RGS8: variants seen among roughly 807,000 people sequenced by gnomAD.
The protein encoded by RGS8 is regulator of G protein signaling 8, also known as regulator of G-protein signaling 8.
A neutral mutation model predicts 21.7 loss-of-function variants in RGS8; 8 were observed. The observed-to-expected ratio is 0.37, with a 90% CI of 0.22 to 0.66. The LOEUF (loss-of-function observed/expected upper bound fraction) is 0.66. Among genes scored for constraint, RGS8 ranks in the 30% least tolerant of loss-of-function variants. The probability of loss-of-function intolerance (pLI) is 0.59; values close to 1 mark genes in which losing one functional copy is unlikely to be tolerated. For missense variants in RGS8, 157 were observed against 217.9 expected, an observed-to-expected ratio of 0.72 and a Z score of 1.76; for synonymous variants, 80 against 83.6, an observed-to-expected ratio of 0.96 and a Z score of 0.24.
At chr1:182,720,958 CAT>C in the RGS8 span, among the ~76,000 whole-genome samples, 2 of 31,694 alleles carry the variant, frequency 6.3e-5, no homozygotes, top group Non-Finnish European at 1.5e-4. Flanking sequence ...TATATACATA[CAT>C]ATGTGTGTAT....
upstream of RGS8, among the ~76,000 whole-genome samples, chr1:182,676,845 C>T (rs151220728): frequency 6.6e-6 from 1 of 152,316 alleles, no homozygotes; most frequent in East Asian, 1.9e-4. Context: ...TGACCACCAA[C>T]GAACATCACC....
chr1:182,738,516 T>C, the RGS8 span, among the ~76,000 whole-genome samples: 3 of 152,240 alleles, frequency 2.0e-5, no homozygotes. Flanking sequence ...AGTTGACCTT[T>C]GAGAGGTCAA....
chr1:182,742,038 CAG>C, the RGS8 span, among the ~76,000 whole-genome samples: 45 of 146,864 alleles, frequency 3.1e-4, 1 homozygote, highest in African/African-American at 1.1e-3. Context: ...GGCGTCCGGG[CAG>C]AGACGCTCCT....
chr1:182,724,201 G>GAGATATATAT, the RGS8 span, among the ~76,000 whole-genome samples: 1 of 42,080 alleles, frequency 2.4e-5, no homozygotes, highest in Non-Finnish European at 4.8e-5. Context: ...GGCTAGACTG[G>GAGATATATAT]ATATATATAT....
chr1:182,715,426 T>C, the RGS8 span, among the ~76,000 whole-genome samples: 7 of 152,204 alleles, frequency 4.6e-5, no homozygotes, highest in African/African-American at 1.4e-4. Context: ...TCAGGTCCTA[T>C]AGGCCATGAT....
At chr1:182,646,270 G>C (rs1237701385) in exon 7 of RGS8, 1 of 154,720 alleles carries the variant, frequency 6.5e-6, no homozygotes, top group African/African-American at 2.4e-5. Flanking sequence ...TGAGATCCCA[G>C]TGAGCAGAGC....
At chr1:182,654,404 A>C (rs1361947552) in intron 5 of RGS8, among the ~76,000 whole-genome samples, 1 of 152,270 alleles carries the variant, frequency 6.6e-6, no homozygotes, top group African/African-American at 2.4e-5. Flanking sequence ...AGAGAAAAAC[A>C]GCAAGAAAAG....
upstream of RGS8, among the ~76,000 whole-genome samples, chr1:182,685,665 A>G (rs928060988): frequency 3.9e-5 from 6 of 152,172 alleles, no homozygotes; most frequent in Admixed American, 3.3e-4. Context: ...GCAGGTCTCC[A>G]GTGAACTGTC....
At chr1:182,668,778 G>A (rs915418958) in intron 3 of RGS8, among the ~76,000 whole-genome samples, 1 of 152,204 alleles carries the variant, frequency 6.6e-6, no homozygotes, top group African/African-American at 2.4e-5. Context: ...CATCTTATGT[G>A]TCTACTCGCG....
At chr1:182,672,685 T>C, upstream of RGS8, 9 of 1,019,608 alleles carry the variant, frequency 8.8e-6, no homozygotes, top group Non-Finnish European at 1.4e-5. Flanking sequence ...CCTCTCTCCC[T>C]CATCCATCAC....
the RGS8 span, among the ~76,000 whole-genome samples, chr1:182,735,204 A>G: frequency 6.6e-6 from 1 of 152,332 alleles, no homozygotes; most frequent in African/African-American, 2.4e-5. Context: ...TTTTAAAAGC[A>G]CTTATTTAAT....
the RGS8 span, among the ~76,000 whole-genome samples, chr1:182,695,645 A>G: frequency 6.6e-6 from 1 of 152,208 alleles, no homozygotes; most frequent in Admixed American, 6.5e-5. Flanking sequence ...TAGCCATTTA[A>G]GAAAGTATTT....
the RGS8 span, among the ~76,000 whole-genome samples, chr1:182,717,542 C>T: frequency 6.6e-6 from 1 of 152,314 alleles, no homozygotes; most frequent in East Asian, 1.9e-4. Flanking sequence ...AAAGGACTTA[C>T]CTGCAATTAA....
downstream of RGS8, chr1:182,644,237 T>C (rs1213332739): frequency 6.6e-6 from 1 of 152,160 alleles, no homozygotes; most frequent in Non-Finnish European, 1.5e-5. Flanking sequence ...TGGAGAGCTC[T>C]GTGCCTCTTG....
the RGS8 span, among the ~76,000 whole-genome samples, chr1:182,711,596 C>T: frequency 0.04 from 6,041 of 152,284 alleles, 133 homozygotes; most frequent in Middle Eastern, 0.054. Flanking sequence ...GAGACAGATA[C>T]TCAGTGGGCT....
At chr1:182,723,644 A>C in the RGS8 span, among the ~76,000 whole-genome samples, 1 of 152,146 alleles carries the variant, frequency 6.6e-6, no homozygotes, top group Non-Finnish European at 1.5e-5. Context: ...CTCAAGAACA[A>C]CATAGGAGGA....
the RGS8 span, among the ~76,000 whole-genome samples, chr1:182,694,751 T>C: frequency 6.7e-6 from 1 of 148,484 alleles, no homozygotes; most frequent in Non-Finnish European, 1.5e-5. Context: ...GAGGTTGCAG[T>C]GAACCGAGAT....
chr1:182,649,765 A>G (rs970419789), intron 5 of RGS8, among the ~76,000 whole-genome samples: 3 of 152,234 alleles, frequency 2.0e-5, no homozygotes, highest in Admixed American at 6.5e-5. Flanking sequence ...AATAACAGCT[A>G]TAGTTTTCTA....
the RGS8 span, chr1:182,734,921 A>AG: frequency 6.6e-6 from 1 of 152,254 alleles, no homozygotes; most frequent in Non-Finnish European, 1.5e-5. Context: ...ACAGGTAAAA[A>AG]GAGACAGGTG....
Sources: gnomAD v4.1 joint callset for allele counts (sites outside exome capture counted in the v4.1 genomes callset) on GRCh38, gnomAD v4.1.1 for gene constraint, MANE v1.5 for transcripts, NCBI Gene and HGNC (gene_info 2026-07-23, HGNC 2026-07-21) for gene names.